The following LRP2 variants were observed in gnomAD, a reference collection of about 807,000 sequenced individuals.
The protein encoded by LRP2 is low-density lipoprotein receptor-related protein 2.
LRP2 carries 172 observed loss-of-function variants against 531.0 expected under a neutral mutation model. The observed-to-expected ratio is 0.32, with a 90% CI of 0.29 to 0.37. The LOEUF is 0.37. Ranked by LOEUF, LRP2 falls within the 10% of genes least tolerant of loss-of-function variation. The probability of loss-of-function intolerance (pLI) is 1.00; values close to 1 mark genes in which losing one functional copy is unlikely to be tolerated. For synonymous variants in LRP2, 1,992 were observed against 2,027.6 expected (o/e 0.98, Z 0.47); for missense variants, 5,167 against 5,868.3 (o/e 0.88, Z 3.90).
In LRP2 at chr2:169,318,792, C is replaced by T. The variant is rs781716261; in HGVS notation, c.280G>A (p.Asp94Asn). 5 of 1,614,164 alleles carry T rather than the reference C, an allele frequency of 3.1e-6. No homozygotes were observed. The highest frequency in any genetic ancestry group is 3.3e-5 in the Admixed American group (2 of 60,008). ...TCTTGACGTTCATCTGAGCCATCAT[C>T]ACAGTCTTGATCTTGGTCACACACC... ...SWVCDQDQDCDDGSDERQDCS... is the reference protein window; with the variant it reads ...SWVCDQDQDCNDGSDERQDCS... The change falls in exon 3 of 79, where the codon GAT (aspartate) becomes AAT (asparagine). Residue 94 changes from aspartate to asparagine, a missense_variant. Physicochemically the swap from Asp to Asn is conservative, Grantham distance 23. Transcript: ENST00000649046.
intron 1 of LRP2, among the ~76,000 whole-genome samples, chr2:169,352,704 A>G (rs1025568332): frequency 6.6e-6 from 1 of 152,202 alleles, no homozygotes; most frequent in African/African-American, 2.4e-5. Flanking sequence ...ATTTGCAGGG[A>G]CATGAATGAC....
At chr2:169,267,770 G>A (rs1683261526) in intron 16 of LRP2, among the ~76,000 whole-genome samples, 1 of 152,090 alleles carries the variant, frequency 6.6e-6, no homozygotes, top group Admixed American at 6.5e-5. Flanking sequence ...CAGAACTGAA[G>A]GAGATAGAGA....
chr2:169,358,914 AAAG>A (rs1270973596), intron 1 of LRP2, among the ~76,000 whole-genome samples: 33 of 151,166 alleles, frequency 2.2e-4, no homozygotes, highest in South Asian at 1.3e-3. Flanking sequence ...AAAAAAAAAA[AAAG>A]AAAAAATCTT....
intron 1 of LRP2, among the ~76,000 whole-genome samples, chr2:169,353,077 C>T (rs1246612713): frequency 6.6e-6 from 1 of 152,050 alleles, no homozygotes. Context: ...TTTCATACCC[C>T]TGCTTTAGTA....
At chr2:169,193,346 G>C (rs1316141742) in intron 47 of LRP2, among the ~76,000 whole-genome samples, 1 of 150,458 alleles carries the variant, frequency 6.6e-6, no homozygotes, top group South Asian at 2.1e-4. Flanking sequence ...TGGGAGGATC[G>C]CTTGAGCCTG....
intron 1 of LRP2, among the ~76,000 whole-genome samples, chr2:169,324,773 G>T (rs931731925): frequency 2.6e-5 from 4 of 152,106 alleles, no homozygotes; most frequent in Non-Finnish European, 4.4e-5. Context: ...TTGCCTGTTT[G>T]TTTTCCACAG....
chr2:169,294,230 A>G lies in LRP2; in HGVS notation c.570T>C (p.Cys190=). 6.2e-7 allele frequency: 1 copy of G among 1,613,464 alleles called. No individual in the cohort carries two copies. The highest frequency in any genetic ancestry group is 1.1e-5 in the South Asian group (1 of 91,068). ...CACGAGGGATACACTCTCCATTGCC[A>G]CATGAAAACTCATTGTGCAAGCATA... ...TEICLHNEFS[C]GNGECIPRAY... The change falls in exon 6 of 79, where the codon TGT becomes TGC. Residue 190 remains cysteine (C), a synonymous_variant. Coordinates refer to ENST00000649046, the MANE Select transcript of LRP2 (RefSeq NM_004525.3).
chr2:169,147,062 A>G, intron 68 of LRP2, 103 bp from the exon 69 acceptor site: 1 of 919,854 alleles, frequency 1.1e-6, no homozygotes, highest in Non-Finnish European at 1.7e-6. Context: ...TGTTTATCTC[A>G]GGGACCTGGG....
chr2:169,296,142 A>G (rs569471745), intron 4 of LRP2, among the ~76,000 whole-genome samples: 242 of 152,220 alleles, frequency 1.6e-3, no homozygotes, highest in African/African-American at 5.2e-3. Flanking sequence ...GGACTCTCCA[A>G]TGATCTTTTT....
intron 2 of LRP2, among the ~76,000 whole-genome samples, chr2:169,319,360 C>T (rs1684850838): frequency 6.6e-6 from 1 of 152,104 alleles, no homozygotes; most frequent in African/African-American, 2.4e-5. Flanking sequence ...CTCTGAACCT[C>T]AATGTATGCA....
chr2:169,328,034 C>T (rs1265869924), intron 1 of LRP2, among the ~76,000 whole-genome samples: 16 of 139,616 alleles, frequency 1.1e-4, no homozygotes, highest in African/African-American at 3.6e-4. Context: ...CAGCCCCCTG[C>T]CCGGCCAGCC....
Position 169,198,701 on chromosome 2 carries a change from C to T in LRP2, c.8578+85G>A, listed in dbSNP as rs1021947552. On this transcript the variant is annotated intron_variant, in intron 45 of 78. Coordinates refer to ENST00000649046, the MANE Select transcript of LRP2 (RefSeq NM_004525.3). Reference sequence around the variant, plus strand: ...TGTGAAATGACAATTGAAATCAGCCCGAATACCCACGCTTCATATCTTTGT... The same window carrying T: ...TGTGAAATGACAATTGAAATCAGCCTGAATACCCACGCTTCATATCTTTGT... 6.6e-5 allele frequency: 100 copies of T among 1,522,934 alleles called. No homozygotes were observed. In the African/African-American group the frequency reaches 8.1e-4, roughly 12 times the overall value. The allele number at this position is 1,522,934 out of a possible 1,614,324, so 94.3% of individuals were successfully genotyped here.
intron 24 of LRP2, among the ~76,000 whole-genome samples, chr2:169,242,635 G>C (rs911717381): frequency 6.6e-6 from 1 of 152,132 alleles, no homozygotes; most frequent in Non-Finnish European, 1.5e-5. Context: ...TCTTTATATG[G>C]AGTAGAGCCT....
intron 44 of LRP2, among the ~76,000 whole-genome samples, chr2:169,200,769 G>A (rs1047762241): frequency 3.3e-5 from 5 of 152,176 alleles, no homozygotes; most frequent in South Asian, 2.1e-4. Context: ...TAATAAATGC[G>A]GCAGGAACAC....
chr2:169,340,814 G>T (rs571263876), intron 1 of LRP2, among the ~76,000 whole-genome samples: 1 of 152,264 alleles, frequency 6.6e-6, no homozygotes, highest in South Asian at 2.1e-4. Flanking sequence ...AGTAGAGCAT[G>T]CCTATTACCT....
In LRP2 at chr2:169,274,943, C is replaced by T. The variant is rs1683513113; in HGVS notation, c.1975+93G>A. 4.5e-5 allele frequency: 56 copies of T among 1,246,028 alleles called. No individual in the cohort carries two copies. The South Asian group carries it at 6.6e-4, about 15-fold the overall frequency. The allele number at this position is 1,246,028 out of a possible 1,614,324, so 77.2% of individuals were successfully genotyped here. ...ATACTTGAGAATGCCACCCAAATCA[C>T]ATAAGACCCCTCATTATTAACTTTC... On this transcript the variant is annotated intron_variant, in intron 14 of 78. Transcript: ENST00000649046.
chr2:169,246,609 T>C (rs1690014472), intron 21 of LRP2, 96 bp downstream of exon 21: 1 of 1,390,326 alleles, frequency 7.2e-7, no homozygotes, highest in Non-Finnish European at 1.0e-6. Flanking sequence ...AAAGATATTT[T>C]TCCCATATAA....
At position 169,201,919 on chromosome 2, in the gene LRP2, T is replaced by C. The variant is rs201795499; in HGVS notation, c.8210-49A>G. On this transcript the variant is annotated intron_variant, in intron 43 of 78. Transcript: ENST00000649046. ...ACAAACCCTCTTGATTAAAACATTA[T>C]CCTAATTTTTAAAAAGATACAATTA... 17 of 1,607,920 alleles carry C rather than the reference T, an allele frequency of 1.1e-5. No individual in the cohort carries two copies. In the African/African-American group the frequency reaches 2.3e-4, roughly 21 times the overall value.
chr2:169,262,778 G>T (rs940823922), intron 16 of LRP2, among the ~76,000 whole-genome samples: 8 of 151,010 alleles, frequency 5.3e-5, no homozygotes, highest in Non-Finnish European at 7.4e-5. Flanking sequence ...AAAAGAGCCC[G>T]CATCGCCAAG....
Sources: gnomAD v4.1 joint callset for allele counts (sites outside exome capture counted in the v4.1 genomes callset) on GRCh38, gnomAD v4.1.1 for gene constraint, MANE v1.5 for transcripts, NCBI Gene and HGNC (gene_info 2026-07-23, HGNC 2026-07-21) for gene names.